COL16A1: variants seen among roughly 807,000 people sequenced by gnomAD.
The protein encoded by COL16A1 is collagen alpha-1(XVI) chain.
COL16A1 carries 189 observed loss-of-function variants against 266.3 expected under a neutral mutation model. The observed-to-expected ratio is 0.71, with a 90% CI of 0.63 to 0.80. COL16A1 has a LOEUF of 0.80. Ranked by LOEUF, COL16A1 falls within the 30% of genes least tolerant of loss-of-function variation. COL16A1 has a pLI of 0.00. For synonymous variants in COL16A1, 740 were observed against 782.3 expected, an observed-to-expected ratio of 0.95 and a Z score of 0.90; for missense variants, 1,928 against 2,122.4, an observed-to-expected ratio of 0.91 and a Z score of 1.80.
At chr1:31,669,150 G>A (rs889960771) in intron 49 of COL16A1, among the ~76,000 whole-genome samples, 9 of 152,074 alleles carry the variant, frequency 5.9e-5, no homozygotes, top group African/African-American at 1.2e-4. Flanking sequence ...TCAGGTGCCC[G>A]TCGCTGGTAT....
At chr1:31,654,913 C>T in intron 67 of COL16A1, 55 bp from the exon 68 acceptor site, 1 of 1,605,768 alleles carries the variant, frequency 6.2e-7, no homozygotes, top group Non-Finnish European at 8.5e-7. Context: ...TGGCATTTTC[C>T]CCTATGGAAA....
In COL16A1 at chr1:31,688,590, A is replaced by G; in HGVS notation, c.1768-88T>C. On this transcript the variant is annotated intron_variant, in intron 25 of 70. Coordinates refer to ENST00000373672, the MANE Select transcript of COL16A1 (RefSeq NM_001856.4). This position sits in a 1 kb window ranked among gnomAD's most constrained non-coding sequence, Gnocchi z 4.9. ...GGTCCCAGTGTCCAACCAGAAACAG[A>G]ACGGTAAGATAGGAATTATGTCCTT... 1 of 1,536,934 alleles carries G rather than the reference A, an allele frequency of 6.5e-7. No individual in the cohort carries two copies. Among genetic ancestry groups the G allele is most frequent in the East Asian group, 2.2e-5 (1 of 44,470 alleles).
At position 31,653,692 on chromosome 1, in the gene COL16A1, T is replaced by G. The variant is rs372556366; in HGVS notation, c.4535-16A>C. The G allele has an allele frequency of 8.1e-6, 13 of 1,610,434 alleles. No homozygotes were observed. Among genetic ancestry groups the G allele is most frequent in the South Asian group, 2.2e-5 (2 of 90,798 alleles). On this transcript the variant is annotated splice_polypyrimidine_tract_variant and intron_variant, in intron 69 of 70. Coordinates refer to ENST00000373672, the MANE Select transcript of COL16A1 (RefSeq NM_001856.4). ...CCAGGCAATCCTGGAACAAAAGAAA[T>G]AAATAAGTCCTATCCCTGAGCAGAA...
chr1:31,692,395 AC>A, intron 16 of COL16A1, 78 bp downstream of exon 16: 1 of 1,535,424 alleles, frequency 6.5e-7, no homozygotes, highest in Non-Finnish European at 8.8e-7. Context: ...TCCTCAGAGA[AC>A]CCCGACTCCT....
At position 31,686,299 on chromosome 1, in the gene COL16A1, C is replaced by A; in HGVS notation, c.1804-20G>T. On this transcript the variant is annotated intron_variant, in intron 26 of 70. Transcript: ENST00000373672. Reference sequence around the variant, plus strand: ...GTTACCCTGAGAGAAAGCACAGAAACCATGATTAAAGAGGGGATGGAGTCT... The same window carrying A: ...GTTACCCTGAGAGAAAGCACAGAAAACATGATTAAAGAGGGGATGGAGTCT... The A allele has an allele frequency of 6.2e-7, 1 of 1,613,274 alleles. No homozygotes were observed. The highest frequency in any genetic ancestry group is 8.5e-7 in the Non-Finnish European group (1 of 1,179,186).
At position 31,691,621 on chromosome 1, in the gene COL16A1, C is replaced by T; in HGVS notation, c.1279G>A (p.Val427Ile). 6.2e-7 allele frequency: 1 copy of T among 1,613,806 alleles called. No homozygotes were observed. Among genetic ancestry groups the T allele is most frequent in the South Asian group, 1.1e-5 (1 of 91,078 alleles). The change falls in exon 18 of 71, where the codon GTC becomes ATC. Residue 427 changes from valine (V) to isoleucine (I), a missense_variant. Val to Ile is a conservative substitution (Grantham distance 29). This residue lies in a region of COL16A1 where 1,552 missense variants were observed against 1,637.2 expected (regional missense o/e 0.95). Coordinates refer to ENST00000373672, the MANE Select transcript of COL16A1 (RefSeq NM_001856.4). Reference protein sequence around the residue: ...GRDGRPGEICVIGPKGQKGDP... With the variant: ...GRDGRPGEICIIGPKGQKGDP... ...ACCTTCTGCCCTTTGGGCCCAATGA[C>T]ACAGATCTCTCCTGGCCGGCCCTGT...
At chr1:31,655,926 C>T (rs1641101287) in intron 66 of COL16A1, 1 of 292,494 alleles carries the variant, frequency 3.4e-6, no homozygotes, top group South Asian at 3.7e-5. Flanking sequence ...CCCTCCTGAG[C>T]TGAAGTGTTC....
At chr1:31,699,777 A>T in intron 4 of COL16A1, 36 bp downstream of exon 4, 1 of 1,298,090 alleles carries the variant, frequency 7.7e-7, no homozygotes, top group Non-Finnish European at 1.1e-6. Context: ...GGCTGAGGTC[A>T]GTGTTGATTC....
intron 4 of COL16A1, among the ~76,000 whole-genome samples, chr1:31,699,420 G>A (rs902580312): frequency 4.6e-5 from 7 of 152,172 alleles, no homozygotes; most frequent in African/African-American, 1.4e-4. Flanking sequence ...GGTTGAAGAG[G>A]CAAGCAGGGG....
At chr1:31,658,690 A>G in intron 63 of COL16A1, 113 bp from the exon 64 acceptor site, 1 of 1,096,278 alleles carries the variant, frequency 9.1e-7, no homozygotes, top group Non-Finnish European at 1.3e-6. Context: ...GAGAGGTGGC[A>G]CTGCCTGAAC....
At position 31,685,565 on chromosome 1, in the gene COL16A1, G is replaced by A; in HGVS notation, c.2016+74C>T. On this transcript the variant is annotated intron_variant, in intron 29 of 70. Coordinates refer to ENST00000373672, the MANE Select transcript of COL16A1 (RefSeq NM_001856.4). The surrounding 1 kb of genome is among the most constrained non-coding windows in gnomAD (Gnocchi z 4.0). ...ACTGCCCAGGGAGTCAAGAGACCCA[G>A]GCAGGACCCCTCCCCTCTCCTTAGC... 1.4e-6 allele frequency: 2 copies of A among 1,475,296 alleles called. No individual in the cohort carries two copies. The highest frequency in any genetic ancestry group is 1.8e-6 in the Non-Finnish European group (2 of 1,089,924). The allele number at this position is 1,475,296 out of a possible 1,614,324, so 91.4% of individuals were successfully genotyped here. A position where few individuals can be genotyped will look rare whatever the true frequency, so the allele number is the denominator to read the frequency against.
intron 70 of COL16A1, chr1:31,653,310 A>T: frequency 2.8e-6 from 1 of 355,892 alleles, no homozygotes; most frequent in Non-Finnish European, 5.1e-6. Context: ...ACAGCCAGTG[A>T]GGTGCTGAGT....
intron 39 of COL16A1, among the ~76,000 whole-genome samples, 183 bp from the exon 40 acceptor site, chr1:31,680,284 A>C (rs1042393550): frequency 6.6e-6 from 1 of 152,208 alleles, no homozygotes; most frequent in South Asian, 2.1e-4. Flanking sequence ...CCTCGCCTGT[A>C]AAATGGGAAC....
At chr1:31,675,379 TCTC>T (rs1380452737) in intron 42 of COL16A1, 68 bp from the exon 43 acceptor site, 7 of 1,577,454 alleles carry the variant, frequency 4.4e-6, no homozygotes, top group Admixed American at 3.7e-5. Flanking sequence ...CCTGTTTCCT[TCTC>T]ATCATCCCCG....
rs1399298088 is a variant in COL16A1, at chr1:31,652,885, A to T, written c.4613-32T>A. The T allele has an allele frequency of 1.4e-6, 2 of 1,454,298 alleles. No individual in the cohort carries two copies. Among genetic ancestry groups the T allele is most frequent in the African/African-American group, 2.9e-5 (2 of 70,098 alleles). 90.1% of individuals were successfully genotyped at this position (1,454,298 alleles called of 1,614,324 possible). On this transcript the variant is annotated intron_variant, in intron 70 of 70. Coordinates refer to ENST00000373672, the MANE Select transcript of COL16A1 (RefSeq NM_001856.4). This position sits in a 1 kb window ranked among gnomAD's most constrained non-coding sequence, Gnocchi z 4.8. Reference sequence around the variant, plus strand: ...AGGGAAGGGCCACAGAGGGAAAATCAGAAGACCCAGATCATAAGGGAAAAG... The same window carrying T: ...AGGGAAGGGCCACAGAGGGAAAATCTGAAGACCCAGATCATAAGGGAAAAG...
At chr1:31,687,792 G>C (rs907459257) in intron 26 of COL16A1, among the ~76,000 whole-genome samples, 1 of 152,166 alleles carries the variant, frequency 6.6e-6, no homozygotes, top group Admixed American at 6.5e-5. Context: ...GGCTTCCCCT[G>C]TTAGGGTTGA....
intron 26 of COL16A1, among the ~76,000 whole-genome samples, chr1:31,686,748 G>T (rs943223354): frequency 2.0e-5 from 3 of 152,240 alleles, no homozygotes; most frequent in Non-Finnish European, 4.4e-5. Context: ...GGTCAGAGAG[G>T]TGTTAACCCT....
intron 37 of COL16A1, among the ~76,000 whole-genome samples, chr1:31,682,097 A>G (rs1314754535): frequency 6.6e-6 from 1 of 152,248 alleles, no homozygotes; most frequent in African/African-American, 2.4e-5. Context: ...ACTGGCTGAA[A>G]GGTAGCATGC....
intron 70 of COL16A1, 57 bp downstream of exon 70, chr1:31,653,538 CAGAA>C: frequency 6.5e-7 from 1 of 1,546,946 alleles, no homozygotes; most frequent in Non-Finnish European, 8.7e-7. Flanking sequence ...ATAGAAGAAA[CAGAA>C]AGAAAAGGGG....
Sources: gnomAD v4.1 joint callset for allele counts (sites outside exome capture counted in the v4.1 genomes callset) on GRCh38, gnomAD v4.1.1 for gene constraint, gnomAD v4.1.1 regional missense constraint, Gnocchi (gnomAD v3.1) non-coding constraint, MANE v1.5 for transcripts, NCBI Gene and HGNC (gene_info 2026-07-23, HGNC 2026-07-21) for gene names.